The following TMEM178B variants were observed in gnomAD, a reference collection of about 807,000 sequenced individuals.
The protein encoded by TMEM178B is transmembrane protein 178B.
In TMEM178B, 5 loss-of-function variants were observed where a neutral mutation model predicts 31.0. That is an observed-to-expected ratio of 0.16 (90% CI 0.08 to 0.34). The LOEUF (loss-of-function observed/expected upper bound fraction) is 0.34, where lower values mean the gene tolerates loss of function less well. TMEM178B is among the 10% of genes least tolerant of loss of function. The pLI is 1.00. For missense variants in TMEM178B, 275 were observed against 400.3 expected, an observed-to-expected ratio of 0.69 and a Z score of 2.67; for synonymous variants, 164 against 164.0, an observed-to-expected ratio of 1.00 and a Z score of 0.00.
chr7:141,289,714 CAAAAAAAAAA>C (rs35000633), intron 2 of TMEM178B, among the ~76,000 whole-genome samples: 1 of 92,384 alleles, frequency 1.1e-5, no homozygotes, highest in African/African-American at 4.3e-5. Flanking sequence ...GACCCTGTCT[CAAAAAAAAAA>C]AAAAAAAGAA....
At chr7:141,215,421 G>A (rs1224617508) in intron 2 of TMEM178B, among the ~76,000 whole-genome samples, 2 of 151,484 alleles carry the variant, frequency 1.3e-5, no homozygotes, top group Non-Finnish European at 2.9e-5. Context: ...TGGCTCCTGG[G>A]TTCATGCGAT....
At chr7:141,098,448 G>T (rs1381359843) in intron 1 of TMEM178B, among the ~76,000 whole-genome samples, 1 of 152,190 alleles carries the variant, frequency 6.6e-6, no homozygotes, top group Non-Finnish European at 1.5e-5. Flanking sequence ...ATGTAAAGTG[G>T]TTTGTCTAGG....
In TMEM178B at chr7:141,460,855, T is replaced by G. The variant is rs151222687; in HGVS notation, c.635-9681T>G. Among the ~76,000 whole-genome samples the G allele has an allele frequency of 5.6e-3, 848 of 152,308 alleles. 1 individual carries two copies. Among genetic ancestry groups the G allele is most frequent in the Non-Finnish European group, 9.0e-3 (612 of 68,030 alleles). On this transcript the variant is annotated intron_variant, in intron 3 of 3. Transcript: ENST00000565468. ...TCAGAGCCCCATCCCACTCAGCATG[T>G]TATCTTTCTGAACACATCCACCCTC...
chr7:141,091,245 G>GAGCT (rs1358356355), intron 1 of TMEM178B, among the ~76,000 whole-genome samples: 1 of 152,114 alleles, frequency 6.6e-6, no homozygotes, highest in Non-Finnish European at 1.5e-5. Context: ...GTGGTTTGAA[G>GAGCT]AGCTGGCTTT....
At chr7:141,394,919 C>A (rs954253217) in intron 2 of TMEM178B, among the ~76,000 whole-genome samples, 1 of 152,178 alleles carries the variant, frequency 6.6e-6, no homozygotes, top group African/African-American at 2.4e-5. Context: ...AGTTCTTGTT[C>A]TATGTTTTAA....
At chr7:141,157,124 T>TCCCCCTTCTGCCCTCTTCC (rs1796083818) in intron 1 of TMEM178B, among the ~76,000 whole-genome samples, 1 of 152,130 alleles carries the variant, frequency 6.6e-6, no homozygotes, top group Non-Finnish European at 1.5e-5. Context: ...GAGCTGAGGC[T>TCCCCCTTCTGCCCTCTTCC]CACTGTCCCT....
At chr7:141,386,916 C>T (rs1028277622) in intron 2 of TMEM178B, among the ~76,000 whole-genome samples, 4 of 152,146 alleles carry the variant, frequency 2.6e-5, no homozygotes, top group African/African-American at 9.7e-5. Context: ...AACTCAGCTT[C>T]AATAATCCCC....
At chr7:141,104,560 T>C (rs1385879671) in intron 1 of TMEM178B, among the ~76,000 whole-genome samples, 2 of 152,248 alleles carry the variant, frequency 1.3e-5, no homozygotes, top group Non-Finnish European at 2.9e-5. Context: ...ACTCTCTCGC[T>C]CATTGAGACT....
chr7:141,386,784 G>A (rs1283838966), intron 2 of TMEM178B, among the ~76,000 whole-genome samples: 1 of 152,122 alleles, frequency 6.6e-6, no homozygotes, highest in Non-Finnish European at 1.5e-5. Context: ...ATTTAATCAA[G>A]GGAAGGATCC....
In TMEM178B at chr7:141,164,317, C is replaced by T. The variant is rs967016668; in HGVS notation, c.383-48274C>T. Among the ~76,000 whole-genome samples, 115 of 152,230 alleles carry T rather than the reference C, an allele frequency of 7.6e-4. 1 individual carries two copies. The highest frequency in any genetic ancestry group is 2.6e-3 in the African/African-American group (110 of 41,538). ...AATGTTATCATTAGAGTGAGATAGG[C>T]GAGTCAGTGTGACAATCAGAAAAAA... On this transcript the variant is annotated intron_variant, in intron 1 of 3. Coordinates refer to ENST00000565468, the MANE Select transcript of TMEM178B (RefSeq NM_001195278.2).
chr7:141,112,392 A>T (rs910123595), intron 1 of TMEM178B, among the ~76,000 whole-genome samples: 1 of 152,104 alleles, frequency 6.6e-6, no homozygotes, highest in Non-Finnish European at 1.5e-5. Flanking sequence ...AGCTGGGACA[A>T]CAGGTGTTAG....
At chr7:141,329,972 A>G (rs967473628) in intron 2 of TMEM178B, among the ~76,000 whole-genome samples, 2 of 152,262 alleles carry the variant, frequency 1.3e-5, no homozygotes, top group African/African-American at 4.8e-5. Context: ...TGTGCTCACC[A>G]AGGCCTGTGG....
chr7:141,112,292 C>T (rs1242255531), intron 1 of TMEM178B, among the ~76,000 whole-genome samples: 1 of 152,116 alleles, frequency 6.6e-6, no homozygotes, highest in Non-Finnish European at 1.5e-5. Context: ...CTTGCTCTGT[C>T]ATCATGCTAG....
chr7:141,288,106 C>A (rs1429496644), intron 2 of TMEM178B, among the ~76,000 whole-genome samples: 1 of 152,108 alleles, frequency 6.6e-6, no homozygotes, highest in Non-Finnish European at 1.5e-5. Context: ...GTTGGGGACC[C>A]CTCCTCCCCA....
At chr7:141,200,880 G>T (rs2129186248) in intron 1 of TMEM178B, among the ~76,000 whole-genome samples, 1 of 152,292 alleles carries the variant, frequency 6.6e-6, no homozygotes, top group Admixed American at 6.5e-5. Context: ...TGTTTGGGTA[G>T]AGTTCTGCCT....
chr7:141,398,721 G>A (rs1367699926), intron 2 of TMEM178B, among the ~76,000 whole-genome samples: 2 of 152,178 alleles, frequency 1.3e-5, no homozygotes, highest in South Asian at 2.1e-4. Flanking sequence ...GGGGTACTGT[G>A]GGAGGGCTTC....
At chr7:141,406,352 T>C (rs1028765705) in intron 2 of TMEM178B, among the ~76,000 whole-genome samples, 4 of 152,154 alleles carry the variant, frequency 2.6e-5, no homozygotes, top group Non-Finnish European at 4.4e-5. Flanking sequence ...TTCCCTGCCT[T>C]CCATCTTGAC....
intron 2 of TMEM178B, among the ~76,000 whole-genome samples, chr7:141,324,295 G>C (rs1192260151): frequency 6.6e-6 from 1 of 152,056 alleles, no homozygotes; most frequent in African/African-American, 2.4e-5. Flanking sequence ...GAATGTAGCA[G>C]CCTGGGGAGA....
At chr7:141,450,201 A>G (rs1240716420) in intron 3 of TMEM178B, among the ~76,000 whole-genome samples, 1 of 152,226 alleles carries the variant, frequency 6.6e-6, no homozygotes, top group African/African-American at 2.4e-5. Context: ...CCCTATCTAT[A>G]GATGCTATCA....
Sources: allele counts gnomAD v4.1 joint callset (sites outside exome capture counted in the v4.1 genomes callset), GRCh38; gene constraint gnomAD v4.1.1; transcripts MANE v1.5; gene names NCBI Gene and HGNC (gene_info 2026-07-23, HGNC 2026-07-21).